ZBTB20: variants seen among roughly 807,000 people sequenced by gnomAD.
The protein encoded by ZBTB20 is zinc finger and BTB domain-containing protein 20.
Under a neutral mutation model 56.9 loss-of-function variants are expected in ZBTB20, and 9 were observed. The ratio of observed to expected loss-of-function variants is 0.16; its 90% confidence interval spans 0.10 to 0.28. The LOEUF (loss-of-function observed/expected upper bound fraction) is 0.28. Ranked by LOEUF, ZBTB20 falls within the 10% of genes least tolerant of loss-of-function variation. ZBTB20 has a pLI of 1.00. For missense variants in ZBTB20, 655 were observed against 1,003.0 expected, an observed-to-expected ratio of 0.65 and a Z score of 4.69; for synonymous variants, 417 against 420.7, an observed-to-expected ratio of 0.99 and a Z score of 0.11.
At chr3:114,466,067 A>G (rs921569220) in intron 7 of ZBTB20, among the ~76,000 whole-genome samples, 1 of 152,142 alleles carries the variant, frequency 6.6e-6, no homozygotes, top group African/African-American at 2.4e-5. Flanking sequence ...TCTACAGGCC[A>G]GGACTAGATA....
chr3:115,090,613 TTG>T (rs2083154499), intron 1 of ZBTB20, among the ~76,000 whole-genome samples: 1 of 151,972 alleles, frequency 6.6e-6, no homozygotes, highest in African/African-American at 2.4e-5. Flanking sequence ...TTTCTTAAAT[TTG>T]TGTGTTTTGC....
chr3:115,046,244 C>G (rs754500002), intron 2 of ZBTB20, among the ~76,000 whole-genome samples: 1 of 152,046 alleles, frequency 6.6e-6, no homozygotes, highest in Non-Finnish European at 1.5e-5. Flanking sequence ...ATATTACACA[C>G]AAACCTAAAA....
At chr3:114,955,132 C>G (rs2077203324) in intron 3 of ZBTB20, among the ~76,000 whole-genome samples, 1 of 152,118 alleles carries the variant, frequency 6.6e-6, no homozygotes, top group African/African-American at 2.4e-5. Context: ...AGCCCTTCAC[C>G]AACTCAGGAT....
intron 3 of ZBTB20, among the ~76,000 whole-genome samples, chr3:114,961,660 G>A (rs542102227): frequency 6.6e-6 from 1 of 152,210 alleles, no homozygotes. Flanking sequence ...CCTTCCCGTT[G>A]TTCTTGCCTA....
intron 10 of ZBTB20, among the ~76,000 whole-genome samples, chr3:114,362,502 G>T (rs1277930400): frequency 6.6e-6 from 1 of 152,146 alleles, no homozygotes; most frequent in Non-Finnish European, 1.5e-5. Context: ...GTCCTGACAG[G>T]GCTTTTTTGC....
At chr3:114,848,792 C>T (rs1204782280) in intron 4 of ZBTB20, among the ~76,000 whole-genome samples, 2 of 152,214 alleles carry the variant, frequency 1.3e-5, no homozygotes, top group African/African-American at 4.8e-5. Flanking sequence ...GGGCGGCTAC[C>T]TCCTGCTTCT....
At chr3:114,728,951 T>C (rs2065513617) in intron 5 of ZBTB20, among the ~76,000 whole-genome samples, 1 of 151,934 alleles carries the variant, frequency 6.6e-6, no homozygotes, top group African/African-American at 2.4e-5. Context: ...TCAAGAAAAA[T>C]AGATAATGCA....
intron 4 of ZBTB20, among the ~76,000 whole-genome samples, chr3:114,859,782 G>A (rs2075428917): frequency 1.3e-5 from 2 of 152,058 alleles, no homozygotes; most frequent in South Asian, 4.1e-4. Context: ...AGTACAGTAT[G>A]TACATAAATA....
chr3:114,446,544 T>C (rs2091283121), intron 7 of ZBTB20, among the ~76,000 whole-genome samples: 1 of 152,168 alleles, frequency 6.6e-6, no homozygotes, highest in Admixed American at 6.6e-5. Context: ...ATTTTCTGCT[T>C]TACAAAAGAA....
At chr3:114,637,162 C>A (rs1406354994) in intron 6 of ZBTB20, among the ~76,000 whole-genome samples, 2 of 151,948 alleles carry the variant, frequency 1.3e-5, no homozygotes, top group East Asian at 1.9e-4. Context: ...GATTAGGATC[C>A]TTTTGATTGG....
chr3:114,620,559 T>C (rs529864186), intron 6 of ZBTB20, among the ~76,000 whole-genome samples: 1 of 152,358 alleles, frequency 6.6e-6, no homozygotes, highest in South Asian at 2.1e-4. Context: ...CCCAAAGTGC[T>C]GGGATTACAG....
At chr3:114,776,099 G>A (rs1578815388) in intron 5 of ZBTB20, among the ~76,000 whole-genome samples, 1 of 135,830 alleles carries the variant, frequency 7.4e-6, no homozygotes, top group Non-Finnish European at 1.6e-5. Context: ...GACAACTCTT[G>A]TTTTTTCTTG....
chr3:115,018,672 C>A (rs2080079167), intron 2 of ZBTB20, among the ~76,000 whole-genome samples: 1 of 151,272 alleles, frequency 6.6e-6, no homozygotes, highest in South Asian at 2.1e-4. Flanking sequence ...CAGAGCTCAC[C>A]TTAAAAGACT....
chr3:114,908,246 G>A (rs139705617), intron 3 of ZBTB20, among the ~76,000 whole-genome samples: 58 of 151,984 alleles, frequency 3.8e-4, no homozygotes, highest in African/African-American at 1.4e-3. Flanking sequence ...AAAATATAAA[G>A]GTCCTATAGA....
At chr3:114,560,401 T>C (rs2051855076) in intron 6 of ZBTB20, among the ~76,000 whole-genome samples, 1 of 152,170 alleles carries the variant, frequency 6.6e-6, no homozygotes, top group Non-Finnish European at 1.5e-5. Flanking sequence ...GCTTTACATT[T>C]ATTACTTCAC....
chr3:114,388,081 A>G (rs1465130970), intron 8 of ZBTB20: 3 of 152,242 alleles, frequency 2.0e-5, no homozygotes, highest in Non-Finnish European at 4.4e-5. Flanking sequence ...CCTAAGAGGG[A>G]TGTTAGTCTC....
intron 4 of ZBTB20, among the ~76,000 whole-genome samples, chr3:114,806,995 AAAGT>A (rs1323020775): frequency 6.6e-6 from 1 of 152,026 alleles, no homozygotes; most frequent in Non-Finnish European, 1.5e-5. Context: ...CATACTCTAT[AAAGT>A]AAGTTTTAAA....
intron 8 of ZBTB20, among the ~76,000 whole-genome samples, chr3:114,385,454 A>G (rs2108579823): frequency 6.6e-6 from 1 of 152,366 alleles, no homozygotes; most frequent in African/African-American, 2.4e-5. Context: ...ATTGTGAGGA[A>G]CAAATGAGAT....
chr3:115,139,884 C>T (rs1390034208), intron 1 of ZBTB20, among the ~76,000 whole-genome samples: 1 of 151,958 alleles, frequency 6.6e-6, no homozygotes, highest in African/African-American at 2.4e-5. Flanking sequence ...TACTTACCCA[C>T]TATGAAAGAT....
Sources: gnomAD v4.1 joint callset for allele counts (sites outside exome capture counted in the v4.1 genomes callset) on GRCh38, gnomAD v4.1.1 for gene constraint, MANE v1.5 for transcripts, NCBI Gene and HGNC (gene_info 2026-07-23, HGNC 2026-07-21) for gene names.